The following RAB44 variants were observed in gnomAD, a reference collection of about 807,000 sequenced individuals.
RAB44 encodes ras-related protein Rab-44.
Under a neutral mutation model 93.3 loss-of-function variants are expected in RAB44, and 67 were observed. The observed-to-expected ratio is 0.72, with a 90% confidence interval of 0.59 to 0.88. The LOEUF is 0.88. Among genes scored for constraint, RAB44 ranks in the 40% least tolerant of loss-of-function variants. The probability of loss-of-function intolerance (pLI) is 0.00; values close to 1 mark genes in which losing one functional copy is unlikely to be tolerated. For missense variants in RAB44, 1,064 were observed against 1,261.7 expected, an observed-to-expected ratio of 0.84 and a Z score of 2.37; for synonymous variants, 427 against 520.3, an observed-to-expected ratio of 0.82 and a Z score of 2.44.
chr6:36,720,394 C>T lies in RAB44; in HGVS notation c.860C>T (p.Thr287Ile), dbSNP rs1486249726. Residue 287 changes from threonine to isoleucine, a missense_variant, in exon 8 of 14, where the codon ACA (threonine) becomes ATA (isoleucine). Thr to Ile is a moderately conservative substitution (Grantham distance 89). Coordinates refer to ENST00000612677, the MANE Select transcript of RAB44 (RefSeq NM_001257357.2). ...LEAQLSHLRS[T>I]HQEAASENQQ... The stretch of plus-strand genomic sequence containing the variant: ...GCCCAGCTCTCCCACCTCAGGAGCA[C>T]ACATCAGGAGGCTGCCTCAGAGAAC... The T allele has an allele frequency of 8.1e-7, 1 of 1,232,484 alleles. No individual in the cohort carries two copies. The highest frequency in any genetic ancestry group is 1.0e-6 in the Non-Finnish European group (1 of 988,182). The allele number at this position is 1,232,484 out of a possible 1,614,324, so 76.3% of individuals were successfully genotyped here.
At position 36,721,196 on chromosome 6, in the gene RAB44, C is replaced by CCCTGAGGAGGCTGCCTCA. The variant is rs1763066685; in HGVS notation, c.1073_1074insTGCCTCACCTGAGGAGGC (p.Ala353_Ala358dup). 8.1e-7 allele frequency: 1 copy of CCCTGAGGAGGCTGCCTCA among 1,234,394 alleles called. No homozygotes were observed. The highest frequency in any genetic ancestry group is 1.5e-5 in the African/African-American group (1 of 64,600). 76.5% of individuals were successfully genotyped at this position (1,234,394 alleles called of 1,614,324 possible). On this transcript the variant is annotated inframe_insertion, in exon 9 of 14. Coordinates refer to ENST00000612677, the MANE Select transcript of RAB44 (RefSeq NM_001257357.2). ...AGACCCCAGACCCTCAGGCTGCCTC[C>CCCTGAGGAGGCTGCCTCA]CCTGAGGAGGCCCCCCTGCCTGGGC...
At chr6:36,726,013 AGC>A (rs1435807604) in intron 10 of RAB44, 70 bp downstream of exon 10, 1 of 1,244,942 alleles carries the variant, frequency 8.0e-7, no homozygotes, top group Non-Finnish European at 1.1e-6. Context: ...GACAGGGAGC[AGC>A]CCTAATAACA....
intron 9 of RAB44, among the ~76,000 whole-genome samples, chr6:36,725,275 AAGTGATTCTC>A: frequency 6.6e-6 from 1 of 152,314 alleles, no homozygotes. Flanking sequence ...TCCCGGGTTC[AAGTGATTCTC>A]TTGCCTCAGC....
At chr6:36,723,468 G>A (rs1164615181) in intron 9 of RAB44, among the ~76,000 whole-genome samples, 3 of 152,044 alleles carry the variant, frequency 2.0e-5, no homozygotes, top group Non-Finnish European at 4.4e-5. Flanking sequence ...TGCAAGAAAT[G>A]GCCGAAAGCA....
chr6:36,715,395 G>C (rs909487430), intron 3 of RAB44, 84 bp from the exon 4 acceptor site: 1 of 1,280,506 alleles, frequency 7.8e-7, no homozygotes, highest in Non-Finnish European at 1.1e-6. Flanking sequence ...TTACTTCCCT[G>C]AGGGCTGGAC....
chr6:36,722,742 A>G lies in RAB44; in HGVS notation c.2599+9A>G. 6.4e-7 allele frequency: 1 copy of G among 1,550,512 alleles called. No homozygotes were observed. The highest frequency in any genetic ancestry group is 8.7e-7 in the Non-Finnish European group (1 of 1,146,968). On this transcript the variant is annotated intron_variant, in intron 9 of 13. Coordinates refer to ENST00000612677, the MANE Select transcript of RAB44 (RefSeq NM_001257357.2). The stretch of plus-strand genomic sequence containing the variant: ...ATTGACAGCTACCGTGGGTAAGGGC[A>G]TTGGGGAGGGCGGCAGGGAGCAAGG...
chr6:36,721,717 A>T lies in RAB44; in HGVS notation c.1583A>T (p.Asp528Val), dbSNP rs1350340850. Residue 528 changes from aspartate to valine, a missense_variant, in exon 9 of 14, where the codon GAT becomes GTT. Transcript: ENST00000612677. Reference sequence around the variant, plus strand: ...AAACAGATCCAGGCCTCAGACCCAGATGACAAGGGCCCTGGGTCTTGGGCT... The same window carrying T: ...AAACAGATCCAGGCCTCAGACCCAGTTGACAAGGGCCCTGGGTCTTGGGCT... ...SSKQIQASDP[D>V]DKGPGSWAPP... 3 of 1,234,200 alleles carry T rather than the reference A, an allele frequency of 2.4e-6. No homozygotes were observed. Among genetic ancestry groups the T allele is most frequent in the East Asian group, 3.2e-5 (1 of 31,694 alleles). 76.5% of individuals were successfully genotyped at this position (1,234,200 alleles called of 1,614,324 possible).
chr6:36,710,732 C>T (rs1762764659), intron 2 of RAB44, among the ~76,000 whole-genome samples: 1 of 152,058 alleles, frequency 6.6e-6, no homozygotes, highest in South Asian at 2.1e-4. Context: ...GATTCTCCTG[C>T]CTCAGCCTCC....
At chr6:36,712,886 C>CCT (rs1762821803) in intron 2 of RAB44, among the ~76,000 whole-genome samples, 2 of 152,110 alleles carry the variant, frequency 1.3e-5, no homozygotes, top group African/African-American at 4.8e-5. Context: ...CAGTCATGTG[C>CCT]GGCCTCAGAT....
At position 36,716,469 on chromosome 6, in the gene RAB44, C is replaced by CAA. The variant is rs567193522; in HGVS notation, c.495-786_495-785dup. Among the ~76,000 whole-genome samples the CAA allele has an allele frequency of 9.8e-3, 745 of 76,192 alleles. 13 individuals are homozygous for CAA. The highest frequency in any genetic ancestry group is 0.028 in the African/African-American group (606 of 21,596). 50.0% of individuals were successfully genotyped at this position (76,192 alleles called of 152,430 possible). A position where few individuals can be genotyped will look rare whatever the true frequency, so the allele number is the denominator to read the frequency against. ...TGGGTGACAGAGCAAGACTCTGTCT[C>CAA]AAAAAAAAAAAAAAAAAAAGAGAGA... On this transcript the variant is annotated intron_variant, in intron 4 of 13. Coordinates refer to ENST00000612677, the MANE Select transcript of RAB44 (RefSeq NM_001257357.2).
At position 36,713,836 on chromosome 6, in the gene RAB44, G is replaced by A; in HGVS notation, c.216G>A (p.Lys72=). ...FVTREDLAVA[K]FSFLGSKEES... ...TTGCCCATTCCTTCCAGGTGGCCAAGTTCAGCTTCCTGGGCAGCAAGGAAG... is the reference window on the plus strand; with the variant it reads ...TTGCCCATTCCTTCCAGGTGGCCAAATTCAGCTTCCTGGGCAGCAAGGAAG... The change falls in exon 3 of 14, where the codon AAG becomes AAA. Residue 72 remains lysine, a synonymous_variant. Coordinates refer to ENST00000612677, the MANE Select transcript of RAB44 (RefSeq NM_001257357.2). 3.9e-6 allele frequency: 6 copies of A among 1,535,834 alleles called. No individual in the cohort carries two copies. The highest frequency in any genetic ancestry group is 3.3e-4 in the Middle Eastern group (2 of 5,976).
Position 36,731,883 on chromosome 6 carries a change from G to A in RAB44, c.2976-120G>A, listed in dbSNP as rs1763371882. 3 of 481,524 alleles carry A rather than the reference G, an allele frequency of 6.2e-6. No homozygotes were observed. The highest frequency in any genetic ancestry group is 6.6e-6 in the Non-Finnish European group (2 of 303,544). 29.8% of individuals were successfully genotyped at this position (481,524 alleles called of 1,614,324 possible). ...GGGTCTCATGTGGAATGCAGGGCAG[G>A]GGCAGAGCTGTTGTGGGGGTTGTGG... On this transcript the variant is annotated intron_variant, in intron 13 of 13. Transcript: ENST00000612677. The surrounding 1 kb of genome is among the most constrained non-coding windows in gnomAD (Gnocchi z 4.0).
chr6:36,721,061 G>C (rs1266072581), intron 8 of RAB44, 90 bp from the exon 9 acceptor site: 3 of 1,175,808 alleles, frequency 2.6e-6, no homozygotes, highest in South Asian at 4.4e-5. Context: ...GCCATGGGGA[G>C]AGCAAGGGAT....
At chr6:36,716,487 A>AG (rs1554188713) in intron 4 of RAB44, among the ~76,000 whole-genome samples, 24 of 149,556 alleles carry the variant, frequency 1.6e-4, no homozygotes, top group African/African-American at 4.5e-4. Flanking sequence ...AAAAAAAAAA[A>AG]AGAGAGAGAT....
rs77985524 is a variant in RAB44, at chr6:36,704,180, G to A, written c.-12-44G>A. The stretch of plus-strand genomic sequence containing the variant: ...GGAGGGTTTTGAGCCATGAGAGGGC[G>A]TGACTGTCCAGCAGCCCGGTGCCCC... On this transcript the variant is annotated intron_variant, in intron 1 of 13. Coordinates refer to ENST00000612677, the MANE Select transcript of RAB44 (RefSeq NM_001257357.2). 38,449 of 1,481,086 alleles carry A rather than the reference G, an allele frequency of 0.026. 2,779 individuals are homozygous for A. In the African/African-American group the frequency reaches 0.26, roughly 10 times the overall value. 91.7% of individuals were successfully genotyped at this position (1,481,086 alleles called of 1,614,324 possible). A position where few individuals can be genotyped will look rare whatever the true frequency, so the allele number is the denominator to read the frequency against.
At position 36,730,696 on chromosome 6, in the gene RAB44, G is replaced by A; in HGVS notation, c.2922G>A (p.Glu974=). ...LAQELGVYFG[E]CSAALGHNIL... ...AGGAACTGGGGGTCTATTTTGGGGA[G>A]TGCAGTGCCGCCTTGGGTCACAACA... is the stretch of plus-strand genomic sequence containing the variant. The change falls in exon 13 of 14, where the codon GAG becomes GAA. Residue 974 remains glutamate, a synonymous_variant. Transcript: ENST00000612677. 2 of 1,234,336 alleles carry A rather than the reference G, an allele frequency of 1.6e-6. No individual in the cohort carries two copies. The highest frequency in any genetic ancestry group is 2.0e-6 in the Non-Finnish European group (2 of 988,256). The allele number at this position is 1,234,336 out of a possible 1,614,324, so 76.5% of individuals were successfully genotyped here. A position where few individuals can be genotyped will look rare whatever the true frequency, so the allele number is the denominator to read the frequency against.
Position 36,722,181 on chromosome 6 carries a change from G to GT in RAB44, c.2047_2048insT (p.Gly683ValfsTer17). ...CAGGTCTGAGGAAGGAAAACAAGAGGGCAGAGGTGGGCAGGACCTCAGTTC... is the reference window on the plus strand; with the variant it reads ...CAGGTCTGAGGAAGGAAAACAAGAGGTGCAGAGGTGGGCAGGACCTCAGTTC... On this transcript the variant is annotated frameshift_variant, in exon 9 of 14. Coordinates refer to ENST00000612677, the MANE Select transcript of RAB44 (RefSeq NM_001257357.2). LOFTEE classifies it high-confidence loss of function. 1 of 1,237,952 alleles carries GT rather than the reference G, an allele frequency of 8.1e-7. No homozygotes were observed. The highest frequency in any genetic ancestry group is 1.0e-6 in the Non-Finnish European group (1 of 990,434). 76.7% of individuals were successfully genotyped at this position (1,237,952 alleles called of 1,614,324 possible). A position where few individuals can be genotyped will look rare whatever the true frequency, so the allele number is the denominator to read the frequency against.
intron 7 of RAB44, among the ~76,000 whole-genome samples, 181 bp downstream of exon 7, chr6:36,718,769 C>T (rs1370369078): frequency 6.6e-6 from 1 of 152,166 alleles, no homozygotes; most frequent in Non-Finnish European, 1.5e-5. Flanking sequence ...CTTTGTGCCT[C>T]AGTTGTTCCA....
Position 36,705,091 on chromosome 6 carries a change from A to G in RAB44, c.207+649A>G, listed in dbSNP as rs144238507. Among the ~76,000 whole-genome samples, 327 of 147,794 alleles carry G rather than the reference A, an allele frequency of 2.2e-3. 1 individual carries two copies. The highest frequency in any genetic ancestry group is 7.2e-3 in the African/African-American group (279 of 38,688). ...AGCCAAGATCACACCACTACACTCC[A>G]GCCTGGGTGACTCCATCTCAAAAAA... On this transcript the variant is annotated intron_variant, in intron 2 of 13. Coordinates refer to ENST00000612677, the MANE Select transcript of RAB44 (RefSeq NM_001257357.2).
Sources: allele counts gnomAD v4.1 joint callset (sites outside exome capture counted in the v4.1 genomes callset), GRCh38; gene constraint gnomAD v4.1.1; non-coding constraint Gnocchi (gnomAD v3.1); transcripts MANE v1.5; gene names NCBI Gene and HGNC (gene_info 2026-07-23, HGNC 2026-07-21).